Variants in TBC1D22B observed in about 807,000 individuals in gnomAD.
TBC1D22B encodes the protein TBC1 domain family member 22B.
A neutral mutation model predicts 69.1 loss-of-function variants in TBC1D22B; 32 were observed. That is an observed-to-expected ratio of 0.46 (90% CI 0.35 to 0.62). The LOEUF is 0.62. Among genes scored for constraint, TBC1D22B ranks in the 20% least tolerant of loss-of-function variants. The probability of loss-of-function intolerance (pLI) is 0.00; values close to 1 mark genes in which losing one functional copy is unlikely to be tolerated. For missense variants in TBC1D22B, 462 were observed against 630.9 expected (o/e 0.73, Z 2.87); for synonymous variants, 206 against 229.8 (o/e 0.90, Z 0.94).
At chr6:37,294,072 G>A (rs1767278969) in intron 8 of TBC1D22B, among the ~76,000 whole-genome samples, 1 of 152,214 alleles carries the variant, frequency 6.6e-6, no homozygotes, top group Admixed American at 6.5e-5. Context: ...TGCTGATGTA[G>A]AAGCTGCAGC....
intron 8 of TBC1D22B, among the ~76,000 whole-genome samples, chr6:37,310,476 C>G (rs2113777820): frequency 6.6e-6 from 1 of 152,144 alleles, no homozygotes; most frequent in Non-Finnish European, 1.5e-5. Flanking sequence ...TGAGACAAGC[C>G]TGGCCAACAT....
intron 8 of TBC1D22B, among the ~76,000 whole-genome samples, chr6:37,291,589 C>T (rs1044308448): frequency 2.6e-5 from 4 of 152,204 alleles, no homozygotes; most frequent in African/African-American, 9.7e-5. Flanking sequence ...AGAATGACCA[C>T]ATTGATATGT....
intron 5 of TBC1D22B, among the ~76,000 whole-genome samples, chr6:37,283,371 C>T (rs1258294473): frequency 6.6e-6 from 1 of 152,180 alleles, no homozygotes; most frequent in African/African-American, 2.4e-5. Context: ...CTGCTTTCAC[C>T]AAGTACAGAG....
At position 37,282,292 on chromosome 6, in the gene TBC1D22B, C is replaced by T. The variant is rs149035515; in HGVS notation, c.529C>T (p.Pro177Ser). 11 of 1,614,028 alleles carry T rather than the reference C, an allele frequency of 6.8e-6. No homozygotes were observed. The highest frequency in any genetic ancestry group is 9.3e-6 in the Non-Finnish European group (11 of 1,180,022). Reference sequence around the variant, plus strand: ...GGATCAGAACGCTTCTGGGGCCCCCCCAATGACTGTCCGGGAGAAAACCCG... The same window carrying T: ...GGATCAGAACGCTTCTGGGGCCCCCTCAATGACTGTCCGGGAGAAAACCCG... Reference protein sequence around the residue: ...ISDQNASGAPPMTVREKTRLE... With the variant: ...ISDQNASGAPSMTVREKTRLE... Residue 177 changes from proline to serine, a missense_variant, in exon 4 of 13, where the codon CCA (proline) becomes TCA (serine). Coordinates refer to ENST00000373491, the MANE Select transcript of TBC1D22B (RefSeq NM_017772.4).
intron 12 of TBC1D22B, among the ~76,000 whole-genome samples, chr6:37,327,070 C>T (rs898785491): frequency 3.3e-5 from 5 of 151,720 alleles, no homozygotes; most frequent in South Asian, 2.1e-4. Context: ...GGACATGGTG[C>T]GGGAAGGAGG....
In TBC1D22B at chr6:37,305,259, C is replaced by T. The variant is rs12202063; in HGVS notation, c.983-7659C>T. 5.6e-3 allele frequency among the ~76,000 whole-genome samples: 846 copies of T among 152,260 alleles called. 4 individuals carry two copies. The highest frequency in any genetic ancestry group is 0.024 in the Middle Eastern group (7 of 294). On this transcript the variant is annotated intron_variant, in intron 8 of 12. Coordinates refer to ENST00000373491, the MANE Select transcript of TBC1D22B (RefSeq NM_017772.4). ...GAAACTGGACAAACTTTATTATTGT[C>T]TCAAGAGGCCATTCCTTTTCTGCTT...
In TBC1D22B at chr6:37,282,739, T is replaced by G. The variant is rs577318029; in HGVS notation, c.602-143T>G. The G allele has an allele frequency of 2.7e-4, 217 of 791,506 alleles. 2 individuals carry two copies. In the South Asian group the frequency reaches 3.3e-3, roughly 12 times the overall value. 49.0% of individuals were successfully genotyped at this position (791,506 alleles called of 1,614,324 possible). ...TGGCACTTAGCTGCTCGGGGCTGTT[T>G]TGGGCTTTTCACTGTGCTTATGGGT... is the stretch of plus-strand genomic sequence containing the variant. On this transcript the variant is annotated intron_variant, in intron 4 of 12. Transcript: ENST00000373491.
At chr6:37,329,798 C>G (rs1768530480) in intron 12 of TBC1D22B, among the ~76,000 whole-genome samples, 1 of 152,174 alleles carries the variant, frequency 6.6e-6, no homozygotes, top group Admixed American at 6.5e-5. Context: ...CCATTCATAT[C>G]CATTTTCTAA....
chr6:37,312,003 G>C (rs1352767407), intron 8 of TBC1D22B, among the ~76,000 whole-genome samples: 2 of 152,224 alleles, frequency 1.3e-5, no homozygotes, highest in East Asian at 1.9e-4. Flanking sequence ...CTGGAAGGCT[G>C]CTTATGTTTT....
chr6:37,326,254 C>T (rs1215730544), intron 12 of TBC1D22B, among the ~76,000 whole-genome samples: 1 of 151,304 alleles, frequency 6.6e-6, no homozygotes, highest in East Asian at 2.0e-4. Flanking sequence ...GTGGCGCGCA[C>T]CTGTAATCTC....
intron 1 of TBC1D22B, among the ~76,000 whole-genome samples, chr6:37,263,846 A>C (rs898382154): frequency 1.3e-5 from 2 of 152,200 alleles, no homozygotes; most frequent in Non-Finnish European, 2.9e-5. Context: ...GGCCTCCCAA[A>C]GTGCTGGGAT....
chr6:37,288,583 G>T (rs1767079811), intron 7 of TBC1D22B, among the ~76,000 whole-genome samples: 1 of 151,950 alleles, frequency 6.6e-6, no homozygotes, highest in East Asian at 1.9e-4. Context: ...AAAAATTACA[G>T]AATTAGCCAG....
At chr6:37,273,665 A>G (rs1002626508) in intron 2 of TBC1D22B, among the ~76,000 whole-genome samples, 1 of 152,158 alleles carries the variant, frequency 6.6e-6, no homozygotes, top group Non-Finnish European at 1.5e-5. Flanking sequence ...ACAGTTTGGG[A>G]GGAGTTTAGT....
intron 8 of TBC1D22B, among the ~76,000 whole-genome samples, chr6:37,308,348 T>G (rs1416798717): frequency 6.6e-6 from 1 of 152,244 alleles, no homozygotes. Flanking sequence ...TTATGCTGAA[T>G]GAAGCCCTTC....
At chr6:37,316,602 TG>T in intron 10 of TBC1D22B, 100 bp from the exon 11 acceptor site, 2 of 1,372,646 alleles carry the variant, frequency 1.5e-6, no homozygotes, top group Non-Finnish European at 2.1e-6. Flanking sequence ...TGCTTACCCA[TG>T]GGAGGGGGCA....
At chr6:37,321,509 C>T (rs1768242988) in intron 12 of TBC1D22B, among the ~76,000 whole-genome samples, 1 of 152,196 alleles carries the variant, frequency 6.6e-6, no homozygotes, top group African/African-American at 2.4e-5. Flanking sequence ...AAAAAGAATT[C>T]CTCCCAGGGT....
intron 8 of TBC1D22B, among the ~76,000 whole-genome samples, chr6:37,306,473 G>A (rs997586552): frequency 6.6e-6 from 1 of 152,138 alleles, no homozygotes. Flanking sequence ...CTTTGGGCAG[G>A]TCCTAGAAGA....
At chr6:37,307,411 A>G (rs1210342464) in intron 8 of TBC1D22B, among the ~76,000 whole-genome samples, 2 of 146,490 alleles carry the variant, frequency 1.4e-5, no homozygotes, top group Non-Finnish European at 3.0e-5. Flanking sequence ...GCTGGAGTGC[A>G]GTGGCATAAT....
intron 1 of TBC1D22B, among the ~76,000 whole-genome samples, chr6:37,264,979 T>G (rs1482633086): frequency 1.2e-4 from 19 of 152,216 alleles, no homozygotes; most frequent in Admixed American, 1.2e-3. Flanking sequence ...ATCATTGGGC[T>G]CTTCTGGTCT....
Sources: gnomAD v4.1 joint callset for allele counts (sites outside exome capture counted in the v4.1 genomes callset) on GRCh38, gnomAD v4.1.1 for gene constraint, MANE v1.5 for transcripts, NCBI Gene and HGNC (gene_info 2026-07-23, HGNC 2026-07-21) for gene names.